The following ARHGEF28 variants were observed in gnomAD, a reference collection of about 807,000 sequenced individuals.
ARHGEF28 encodes Rho guanine nucleotide exchange factor 28, also known as 190 kDa guanine nucleotide exchange factor.
Under a neutral mutation model 206.6 loss-of-function variants are expected in ARHGEF28, and 152 were observed. The observed-to-expected ratio is 0.74, with a 90% CI of 0.64 to 0.84. ARHGEF28 has a LOEUF of 0.84. ARHGEF28 is among the 40% of genes least tolerant of loss of function. The pLI is 0.00. For synonymous variants in ARHGEF28, 763 were observed against 776.4 expected (o/e 0.98, Z 0.29); for missense variants, 2,028 against 2,073.2 (o/e 0.98, Z 0.42).
chr5:73,726,172 G>A lies in ARHGEF28; in HGVS notation c.34-23665G>A, dbSNP rs1298863286. Among the ~76,000 whole-genome samples, 3 of 152,126 alleles carry A rather than the reference G, an allele frequency of 2.0e-5. No individual in the cohort carries two copies. In the East Asian group the frequency reaches 5.8e-4, roughly 29 times the overall value. ...TGTGTGCATATGTGTGCCTGTGTGT[G>A]CACAAATACCCCTCAGTGAAAAGCT... On this transcript the variant is annotated intron_variant, in intron 2 of 35. Coordinates refer to ENST00000513042, the MANE Select transcript of ARHGEF28 (RefSeq NM_001177693.2).
rs529471102 is a variant in ARHGEF28 at position 73,628,596 on chromosome 5, T to C, written c.-12+2274T>C. Among the ~76,000 whole-genome samples the C allele has an allele frequency of 2.0e-5, 3 of 152,234 alleles. No homozygotes were observed. The East Asian group carries it at 5.8e-4, about 29-fold the overall frequency. On this transcript the variant is annotated intron_variant, in intron 1 of 35. Transcript: ENST00000513042. ...TTAGTGAAGCAGAGTAGCTCTGGGATCCCCCCACCGGCCCCCGCCCATAAC... is the reference window on the plus strand; with the variant it reads ...TTAGTGAAGCAGAGTAGCTCTGGGACCCCCCCACCGGCCCCCGCCCATAAC...
chr5:73,928,956 G>A (rs1263809169), intron 35 of ARHGEF28, among the ~76,000 whole-genome samples: 1 of 152,114 alleles, frequency 6.6e-6, no homozygotes, highest in African/African-American at 2.4e-5. Context: ...TTTATTTTGA[G>A]ACGGAGTCTC....
chr5:73,851,248 A>C (rs528490306), intron 13 of ARHGEF28, among the ~76,000 whole-genome samples: 5 of 152,330 alleles, frequency 3.3e-5, no homozygotes, highest in African/African-American at 9.6e-5. Context: ...ATTTGAACAG[A>C]GTCCAAGTCT....
chr5:73,927,368 T>TA (rs932051148), intron 35 of ARHGEF28, among the ~76,000 whole-genome samples: 1 of 152,056 alleles, frequency 6.6e-6, no homozygotes, highest in African/African-American at 2.4e-5. Context: ...AAGACTGTCT[T>TA]AAAAAAACCT....
chr5:73,790,016 G>A (rs945783718), intron 7 of ARHGEF28, among the ~76,000 whole-genome samples: 5 of 152,070 alleles, frequency 3.3e-5, no homozygotes, highest in Admixed American at 2.0e-4. Context: ...AAGATAATCC[G>A]GTAGAAAAGT....
chr5:73,904,161 T>C, intron 31 of ARHGEF28, 61 bp from the exon 32 acceptor site: 7 of 1,568,334 alleles, frequency 4.5e-6, no homozygotes, highest in South Asian at 2.2e-5. Context: ...TTTGGGACAC[T>C]GCAGGGCAGC....
intron 10 of ARHGEF28, among the ~76,000 whole-genome samples, chr5:73,836,733 C>T (rs1034263293): frequency 2.0e-5 from 3 of 152,046 alleles, no homozygotes; most frequent in Admixed American, 1.3e-4. Flanking sequence ...AAATAATTGC[C>T]AAGACCAATG....
intron 2 of ARHGEF28, among the ~76,000 whole-genome samples, chr5:73,747,342 T>C (rs565533284): frequency 4.6e-5 from 7 of 152,294 alleles, no homozygotes; most frequent in Admixed American, 4.6e-4. Flanking sequence ...AAGTAGCAGA[T>C]TTTCAGTGGA....
At chr5:73,857,064 G>A (rs1344797629) in intron 14 of ARHGEF28, among the ~76,000 whole-genome samples, 1 of 152,078 alleles carries the variant, frequency 6.6e-6, no homozygotes, top group African/African-American at 2.4e-5. Context: ...ATTTTATGGA[G>A]TATCCATAGC....
intron 2 of ARHGEF28, among the ~76,000 whole-genome samples, chr5:73,732,885 A>G (rs1750699791): frequency 6.6e-6 from 1 of 152,238 alleles, no homozygotes; most frequent in Non-Finnish European, 1.5e-5. Flanking sequence ...ATGTTCTCCC[A>G]TTCTAGTTAA....
chr5:73,776,668 A>G lies in ARHGEF28; in HGVS notation c.812A>G (p.Tyr271Cys), dbSNP rs1289155911. 6.2e-7 allele frequency: 1 copy of G among 1,613,600 alleles called. No homozygotes were observed. Among genetic ancestry groups the G allele is most frequent in the South Asian group, 1.1e-5 (1 of 90,990 alleles). ...LEADIKLFRK[Y>C]FWDRAFLVKA... ...GCAGATATTAAACTCTTCCGGAAAT[A>G]CTTTTGGGATAGAGCCTTTCTTGTC... The change falls in exon 6 of 36, where the codon TAC becomes TGC. Residue 271 changes from tyrosine (Y) to cysteine (C), a missense_variant. This residue lies in a region of ARHGEF28 where 1,002 missense variants were observed against 1,015.3 expected (regional missense o/e 0.99). Transcript: ENST00000513042.
intron 22 of ARHGEF28, among the ~76,000 whole-genome samples, chr5:73,878,867 T>G (rs1333819137): frequency 6.6e-6 from 1 of 151,970 alleles, no homozygotes; most frequent in East Asian, 1.9e-4. Flanking sequence ...ATTTTTTCCT[T>G]CATTTCAACT....
chr5:73,767,135 G>A (rs1003160828), intron 4 of ARHGEF28, among the ~76,000 whole-genome samples: 1 of 152,138 alleles, frequency 6.6e-6, no homozygotes, highest in Non-Finnish European at 1.5e-5. Flanking sequence ...GTGATTGTGA[G>A]GCCTCCCTAG....
intron 2 of ARHGEF28, among the ~76,000 whole-genome samples, chr5:73,705,616 C>A (rs765899017): frequency 3.3e-5 from 5 of 151,030 alleles, no homozygotes; most frequent in Non-Finnish European, 7.4e-5. Flanking sequence ...TCTGAAAGAG[C>A]TGGCCATGTG....
intron 30 of ARHGEF28, chr5:73,900,160 AG>A (rs1351292162): frequency 2.4e-4 from 36 of 152,254 alleles, no homozygotes; most frequent in Non-Finnish European, 4.7e-4. Context: ...GTATTAGAAG[AG>A]GTCTTTGAAA....
chr5:73,692,615 C>T (rs1227237784), intron 2 of ARHGEF28, among the ~76,000 whole-genome samples: 6 of 152,140 alleles, frequency 3.9e-5, no homozygotes, highest in Non-Finnish European at 7.3e-5. Flanking sequence ...AAACTCTATC[C>T]TATTCAGCCT....
intron 7 of ARHGEF28, among the ~76,000 whole-genome samples, chr5:73,793,946 A>G (rs1754638212): frequency 6.6e-6 from 1 of 152,132 alleles, no homozygotes; most frequent in Non-Finnish European, 1.5e-5. Context: ...AGTGATGTGT[A>G]AGGAAAAGCC....
rs184321960 is a variant in ARHGEF28 at position 73,640,523 on chromosome 5, T to A, written c.-12+14201T>A. ...TGTATTATTAATGTTAACAATTTTT[T>A]AAAAATTAAACAAAAAAGAAGAAAT... On this transcript the variant is annotated intron_variant, in intron 1 of 35. Coordinates refer to ENST00000513042, the MANE Select transcript of ARHGEF28 (RefSeq NM_001177693.2). 5.4e-3 allele frequency among the ~76,000 whole-genome samples: 816 copies of A among 152,252 alleles called. 5 individuals are homozygous for A. Among genetic ancestry groups the A allele is most frequent in the African/African-American group, 0.018 (764 of 41,554 alleles).
intron 1 of ARHGEF28, among the ~76,000 whole-genome samples, chr5:73,660,017 A>G (rs1580451940): frequency 6.6e-6 from 1 of 152,108 alleles, no homozygotes; most frequent in Admixed American, 6.5e-5. Context: ...AGTTTGCTGC[A>G]TTGATTGACT....
Sources: allele counts gnomAD v4.1 joint callset (sites outside exome capture counted in the v4.1 genomes callset), GRCh38; gene constraint gnomAD v4.1.1; regional missense constraint gnomAD v4.1.1; transcripts MANE v1.5; gene names NCBI Gene and HGNC (gene_info 2026-07-23, HGNC 2026-07-21).